SLC25A24: variants seen among roughly 807,000 people sequenced by gnomAD.
SLC25A24 encodes the protein solute carrier family 25 member 24.
SLC25A24 carries 49 observed loss-of-function variants against 60.7 expected under a neutral mutation model. The ratio of observed to expected loss-of-function variants is 0.81; its 90% confidence interval spans 0.64 to 1.02. The LOEUF (loss-of-function observed/expected upper bound fraction) is 1.02. Ranked by LOEUF, SLC25A24 falls within the 50% of genes least tolerant of loss-of-function variation. SLC25A24 has a pLI of 0.00. For missense variants in SLC25A24, 564 were observed against 586.3 expected, an observed-to-expected ratio of 0.96 and a Z score of 0.39; for synonymous variants, 202 against 200.6, an observed-to-expected ratio of 1.01 and a Z score of -0.06.
chr1:108,140,252 C>G (rs1415473441), intron 8 of SLC25A24, among the ~76,000 whole-genome samples: 1 of 151,858 alleles, frequency 6.6e-6, no homozygotes, highest in Non-Finnish European at 1.5e-5. Flanking sequence ...ATGTTATATT[C>G]TATGTTTTGA....
At chr1:108,147,026 T>C (rs1463421818) in intron 7 of SLC25A24, among the ~76,000 whole-genome samples, 1 of 152,240 alleles carries the variant, frequency 6.6e-6, no homozygotes, top group Non-Finnish European at 1.5e-5. Context: ...AGAATTCGGC[T>C]ATGAATCTGT....
rs751016807 is a variant in SLC25A24 at position 108,185,898 on chromosome 1, A to C, written c.240T>G (p.Phe80Leu). The change falls in exon 2 of 10, where the codon TTT (phenylalanine) becomes TTG (leucine). Residue 80 changes from phenylalanine to leucine, a missense_variant. Transcript: ENST00000565488. Reference sequence around the variant, plus strand: ...TCTCATGGTCTTTAAGGTACTTCATAAATTCTTCAAAATCCAGCTTCCCAT... The same window carrying C: ...TCTCATGGTCTTTAAGGTACTTCATCAATTCTTCAAAATCCAGCTTCCCAT... ...NKDGKLDFEE[F>L]MKYLKDHEKK... is the part of the protein sequence containing the mutation. The C allele has an allele frequency of 1.3e-6, 2 of 1,596,342 alleles. No individual in the cohort carries two copies. The highest frequency in any genetic ancestry group is 1.7e-6 in the Non-Finnish European group (2 of 1,167,400).
chr1:108,156,066 G>T (rs1558012673), intron 5 of SLC25A24, among the ~76,000 whole-genome samples: 1 of 152,030 alleles, frequency 6.6e-6, no homozygotes, highest in Non-Finnish European at 1.5e-5. Context: ...CACACCAAAG[G>T]CTCAGGTGAG....
intron 3 of SLC25A24, among the ~76,000 whole-genome samples, chr1:108,176,162 G>A (rs1183906141): frequency 3.3e-5 from 5 of 151,812 alleles, no homozygotes; most frequent in Non-Finnish European, 7.4e-5. Flanking sequence ...AAAGAGAAAG[G>A]TAATAAAGAG....
At chr1:108,199,842 G>A in intron 1 of SLC25A24, 114 bp downstream of exon 1, 1 of 817,226 alleles carries the variant, frequency 1.2e-6, no homozygotes, top group South Asian at 1.8e-5. Flanking sequence ...GGGCGCCACA[G>A]TTCCTCCTTC....
rs187638999 is a variant in SLC25A24 at position 108,162,125 on chromosome 1, C to T, written c.399-832G>A. On this transcript the variant is annotated intron_variant, in intron 3 of 9. Transcript: ENST00000565488. ...TCCATGTCCCTACAAAAGACATGAACTCATCTTTTATGGCTGCATAGTATT... is the reference window on the plus strand; with the variant it reads ...TCCATGTCCCTACAAAAGACATGAATTCATCTTTTATGGCTGCATAGTATT... Among the ~76,000 whole-genome samples, 244 of 152,240 alleles carry T rather than the reference C, an allele frequency of 1.6e-3. 1 individual carries two copies. Among genetic ancestry groups the T allele is most frequent in the South Asian group, 5.6e-3 (27 of 4,818 alleles).
chr1:108,163,076 C>T (rs1226789193), intron 3 of SLC25A24, among the ~76,000 whole-genome samples: 1 of 132,490 alleles, frequency 7.5e-6, no homozygotes, highest in South Asian at 2.5e-4. Context: ...GCTTGTTTTT[C>T]TCAGGTTTGT....
chr1:108,173,864 T>A (rs537157188), intron 3 of SLC25A24, among the ~76,000 whole-genome samples: 101 of 152,162 alleles, frequency 6.6e-4, no homozygotes, highest in Non-Finnish European at 1.3e-3. Flanking sequence ...ATGACTCTTG[T>A]TATGCTATAG....
At chr1:108,198,589 G>C (rs1189569734) in intron 1 of SLC25A24, 1 of 152,196 alleles carries the variant, frequency 6.6e-6, no homozygotes, top group African/African-American at 2.4e-5. Context: ...ACATATAACA[G>C]AATATGATGC....
intron 3 of SLC25A24, 151 bp from the exon 4 acceptor site, chr1:108,161,444 T>C: frequency 5.1e-6 from 3 of 593,772 alleles, no homozygotes; most frequent in Non-Finnish European, 8.8e-6. Context: ...TTGTTGGAAA[T>C]GGCAGCAAGC....
At chr1:108,142,453 T>C (rs567765250) in intron 8 of SLC25A24, among the ~76,000 whole-genome samples, 22 of 152,356 alleles carry the variant, frequency 1.4e-4, no homozygotes, top group Middle Eastern at 3.4e-3. Context: ...AGAAATGAAG[T>C]TCTGATACAT....
intron 8 of SLC25A24, among the ~76,000 whole-genome samples, chr1:108,139,810 C>T (rs1558006397): frequency 6.6e-6 from 1 of 152,112 alleles, no homozygotes; most frequent in Non-Finnish European, 1.5e-5. Flanking sequence ...CAGGGTTTCA[C>T]CATGCTGGCA....
intron 7 of SLC25A24, among the ~76,000 whole-genome samples, 189 bp downstream of exon 7, chr1:108,148,090 T>C (rs1413751933): frequency 6.6e-6 from 1 of 152,174 alleles, no homozygotes; most frequent in East Asian, 1.9e-4. Context: ...GACTACCATC[T>C]TGACTGTGGG....
intron 1 of SLC25A24, among the ~76,000 whole-genome samples, chr1:108,189,469 C>T (rs371253701): frequency 2.6e-5 from 4 of 152,200 alleles, no homozygotes; most frequent in African/African-American, 7.2e-5. Context: ...ACTATAGATG[C>T]TACTTGCCTG....
rs372478632 is a variant in SLC25A24, at chr1:108,136,489, A to G, written c.*164T>C. The G allele has an allele frequency of 1.7e-6, 1 of 598,228 alleles. No homozygotes were observed. The highest frequency in any genetic ancestry group is 1.9e-5 in the African/African-American group (1 of 53,940). The allele number at this position is 598,228 out of a possible 1,614,324, so 37.1% of individuals were successfully genotyped here. Reference sequence around the variant, plus strand: ...TATGATTTTGAACATTTCTGTGTACATATAATTTAGCCCAAAAGTTTGAAG... The same window carrying G: ...TATGATTTTGAACATTTCTGTGTACGTATAATTTAGCCCAAAAGTTTGAAG... On this transcript the variant is annotated 3_prime_UTR_variant, in exon 10 of 10. Transcript: ENST00000565488.
intron 6 of SLC25A24, among the ~76,000 whole-genome samples, chr1:108,154,777 G>T (rs543214135): frequency 6.6e-6 from 1 of 152,136 alleles, no homozygotes; most frequent in Non-Finnish European, 1.5e-5. Flanking sequence ...TAAATAATAT[G>T]ATGAATTAAG....
chr1:108,173,021 TAGTC>T (rs1341427666), intron 3 of SLC25A24, among the ~76,000 whole-genome samples: 3 of 152,140 alleles, frequency 2.0e-5, no homozygotes, highest in East Asian at 3.8e-4. Context: ...AATTATATAT[TAGTC>T]AGGGTTATCT....
intron 7 of SLC25A24, among the ~76,000 whole-genome samples, chr1:108,146,940 A>C (rs1255547872): frequency 6.6e-6 from 1 of 152,240 alleles, no homozygotes; most frequent in African/African-American, 2.4e-5. Context: ...AAAATGAGTT[A>C]GGGAGGAATC....
At chr1:108,137,208 C>T (rs1679315031) in intron 9 of SLC25A24, among the ~76,000 whole-genome samples, 1 of 152,096 alleles carries the variant, frequency 6.6e-6, no homozygotes, top group African/African-American at 2.4e-5. Context: ...GGCTGAGATC[C>T]AATGGTCTGA....
Sources: allele counts gnomAD v4.1 joint callset (sites outside exome capture counted in the v4.1 genomes callset), GRCh38; gene constraint gnomAD v4.1.1; transcripts MANE v1.5; gene names NCBI Gene and HGNC (gene_info 2026-07-23, HGNC 2026-07-21).